TEAD4: variants seen among roughly 807,000 people sequenced by gnomAD.
TEAD4 encodes transcriptional enhancer factor TEF-3.
Under a neutral mutation model 52.4 loss-of-function variants are expected in TEAD4, and 36 were observed. That is an observed-to-expected ratio of 0.69 (90% confidence interval 0.53 to 0.91). The LOEUF (loss-of-function observed/expected upper bound fraction) is 0.91. Ranked by LOEUF, TEAD4 falls within the 40% of genes least tolerant of loss-of-function variation. The probability of loss-of-function intolerance (pLI) is 0.00; values close to 1 mark genes in which losing one functional copy is unlikely to be tolerated. For synonymous variants in TEAD4, 220 were observed against 231.0 expected, an observed-to-expected ratio of 0.95 and a Z score of 0.43; for missense variants, 508 against 583.9, an observed-to-expected ratio of 0.87 and a Z score of 1.34.
intron 9 of TEAD4, among the ~76,000 whole-genome samples, chr12:3,021,244 G>A (rs1234160719): frequency 6.6e-6 from 1 of 151,934 alleles, no homozygotes; most frequent in Non-Finnish European, 1.5e-5. Context: ...GTCAGAGGGG[G>A]ACCTGGAGGA....
At chr12:2,962,338 A>T (rs1314503691) in intron 2 of TEAD4, among the ~76,000 whole-genome samples, 9 of 108,678 alleles carry the variant, frequency 8.3e-5, no homozygotes, top group African/African-American at 2.3e-4. Context: ...ATATAAATAT[A>T]TATATATATT....
chr12:2,972,033 G>A (rs967858483), intron 2 of TEAD4, among the ~76,000 whole-genome samples: 10 of 149,650 alleles, frequency 6.7e-5, no homozygotes, highest in African/African-American at 2.2e-4. Flanking sequence ...GGCTGGTCTC[G>A]AACTCCTGAC....
At chr12:3,018,499 G>A (rs1471398114) in intron 6 of TEAD4, 46 bp from the exon 7 acceptor site, 26 of 1,609,664 alleles carry the variant, frequency 1.6e-5, no homozygotes, top group Non-Finnish European at 2.0e-5. Flanking sequence ...ACAGGGCCCC[G>A]GGTGCACCTG....
intron 8 of TEAD4, 51 bp downstream of exon 8, chr12:3,019,221 C>G (rs1403699397): frequency 1.4e-5 from 22 of 1,605,888 alleles, no homozygotes; most frequent in Non-Finnish European, 1.9e-5. Flanking sequence ...GTGGCTCCTG[C>G]CTCTGGGTCC....
chr12:2,959,398 T>G lies in TEAD4; in HGVS notation c.-206T>G, dbSNP rs2098213242. On this transcript the variant is annotated 5_prime_UTR_variant, in exon 1 of 13. Transcript: ENST00000359864. This position sits in a 1 kb window ranked among gnomAD's most constrained non-coding sequence, Gnocchi z 5.1. ...GGCGCGCATCTCATTCCAGCCCTCA[T>G]TCCGCGCATTCCAGCGTCCTCCTCG... is the stretch of plus-strand genomic sequence containing the variant. The G allele has an allele frequency of 6.9e-6, 1 of 144,656 alleles. No homozygotes were observed. The highest frequency in any genetic ancestry group is 1.5e-5 in the Non-Finnish European group (1 of 65,204). 9.0% of individuals were successfully genotyped at this position (144,656 alleles called of 1,614,324 possible).
chr12:3,007,726 A>G (rs2098257082), intron 3 of TEAD4, among the ~76,000 whole-genome samples: 1 of 152,164 alleles, frequency 6.6e-6, no homozygotes, highest in African/African-American at 2.4e-5. Flanking sequence ...TTTTTAACCT[A>G]ATTTTGTATT....
At chr12:2,973,340 G>T (rs2098226822) in intron 2 of TEAD4, among the ~76,000 whole-genome samples, 1 of 152,236 alleles carries the variant, frequency 6.6e-6, no homozygotes, top group Non-Finnish European at 1.5e-5. Context: ...ACAGTTGTGG[G>T]TGTGTGCCAC....
chr12:3,025,131 A>G (rs2098271293), intron 10 of TEAD4, among the ~76,000 whole-genome samples: 1 of 152,038 alleles, frequency 6.6e-6, no homozygotes, highest in South Asian at 2.1e-4. Flanking sequence ...TTTTGTAGAG[A>G]CAAGGTTTCA....
chr12:3,021,435 G>C (rs925982191), intron 9 of TEAD4, among the ~76,000 whole-genome samples: 1 of 151,010 alleles, frequency 6.6e-6, no homozygotes, highest in South Asian at 2.1e-4. Context: ...CTTAGCCTCC[G>C]GAGTAGCTGG....
chr12:2,988,060 T>A (rs1478586326), intron 2 of TEAD4, among the ~76,000 whole-genome samples: 1 of 148,420 alleles, frequency 6.7e-6, no homozygotes, highest in Non-Finnish European at 1.5e-5. Flanking sequence ...AGAACAAGAC[T>A]CCATCTCAAA....
intron 2 of TEAD4, among the ~76,000 whole-genome samples, chr12:2,983,802 C>T (rs929390519): frequency 6.6e-6 from 1 of 152,218 alleles, no homozygotes; most frequent in South Asian, 2.1e-4. Context: ...ACAAATATCC[C>T]TTCGTTTGTT....
intron 2 of TEAD4, among the ~76,000 whole-genome samples, chr12:2,978,417 G>A (rs796474395): frequency 7.2e-6 from 1 of 139,340 alleles, no homozygotes; most frequent in Non-Finnish European, 1.6e-5. Context: ...GTTTTGTTTT[G>A]TTTTGAGAGG....
At chr12:3,001,112 A>G (rs1029101535) in intron 3 of TEAD4, among the ~76,000 whole-genome samples, 11 of 152,218 alleles carry the variant, frequency 7.2e-5, no homozygotes, top group African/African-American at 2.7e-4. Flanking sequence ...TGTCCCTGAG[A>G]GCTGGCGTGA....
At chr12:3,014,493 T>C (rs1431519869) in intron 5 of TEAD4, among the ~76,000 whole-genome samples, 1 of 152,258 alleles carries the variant, frequency 6.6e-6, no homozygotes, top group Non-Finnish European at 1.5e-5. Context: ...TTTTGTCATA[T>C]TCTCAAAGGA....
chr12:3,001,420 C>G (rs1459612129), intron 3 of TEAD4, among the ~76,000 whole-genome samples: 1 of 152,152 alleles, frequency 6.6e-6, no homozygotes, highest in Admixed American at 6.5e-5. Context: ...CCCCTATAGC[C>G]GCTGGTAGCC....
chr12:2,965,864 A>G (rs1310120819), intron 2 of TEAD4, among the ~76,000 whole-genome samples: 1 of 151,902 alleles, frequency 6.6e-6, no homozygotes, highest in Non-Finnish European at 1.5e-5. Context: ...TTAAATTATC[A>G]TTATTATTAT....
At chr12:2,971,310 A>G (rs2098224781) in intron 2 of TEAD4, among the ~76,000 whole-genome samples, 1 of 152,074 alleles carries the variant, frequency 6.6e-6, no homozygotes, top group African/African-American at 2.4e-5. Context: ...AAGCGTGTAT[A>G]TGTGTAAGAG....
At chr12:3,008,233 C>T (rs1343630700) in intron 3 of TEAD4, among the ~76,000 whole-genome samples, 1 of 152,006 alleles carries the variant, frequency 6.6e-6, no homozygotes, top group East Asian at 1.9e-4. Flanking sequence ...GTGGGGTGGT[C>T]AGGGAAGAGA....
At chr12:2,980,569 C>T (rs1453632427) in intron 2 of TEAD4, among the ~76,000 whole-genome samples, 1 of 151,712 alleles carries the variant, frequency 6.6e-6, no homozygotes, top group Non-Finnish European at 1.5e-5. Flanking sequence ...CCCACCTCTA[C>T]TAAAAAAACA....
Sources: allele counts gnomAD v4.1 joint callset (sites outside exome capture counted in the v4.1 genomes callset), GRCh38; gene constraint gnomAD v4.1.1; non-coding constraint Gnocchi (gnomAD v3.1); transcripts MANE v1.5; gene names NCBI Gene and HGNC (gene_info 2026-07-23, HGNC 2026-07-21).